DPP10: variants seen among roughly 807,000 people sequenced by gnomAD.
DPP10 encodes the protein dipeptidyl peptidase like 10, also known as inactive dipeptidyl peptidase 10.
Under a neutral mutation model 120.9 loss-of-function variants are expected in DPP10, and 33 were observed. The ratio of observed to expected loss-of-function variants is 0.27; its 90% confidence interval spans 0.21 to 0.37. The LOEUF is 0.37. Among genes scored for constraint, DPP10 ranks in the 10% least tolerant of loss-of-function variants. The probability of loss-of-function intolerance (pLI) is 1.00; values close to 1 mark genes in which losing one functional copy is unlikely to be tolerated. For missense variants in DPP10, 816 were observed against 942.8 expected, an observed-to-expected ratio of 0.87 and a Z score of 1.76; for synonymous variants, 337 against 326.1, an observed-to-expected ratio of 1.03 and a Z score of -0.36.
At chr2:114,493,976 T>C (rs1682234166) in intron 1 of DPP10, among the ~76,000 whole-genome samples, 1 of 152,126 alleles carries the variant, frequency 6.6e-6, no homozygotes. Context: ...TTTTCATTTA[T>C]GTTTCTGTGA....
At chr2:114,707,584 G>A (rs922382038) in intron 1 of DPP10, among the ~76,000 whole-genome samples, 1 of 152,044 alleles carries the variant, frequency 6.6e-6, no homozygotes, top group African/African-American at 2.4e-5. Flanking sequence ...CATCACTTGG[G>A]GCTCAATAGC....
At chr2:115,003,900 A>G (rs1452695342) in intron 1 of DPP10, among the ~76,000 whole-genome samples, 1 of 152,192 alleles carries the variant, frequency 6.6e-6, no homozygotes, top group African/African-American at 2.4e-5. Flanking sequence ...TATTACATAC[A>G]TAGTATTAGT....
chr2:114,806,177 T>C (rs1341004886), intron 1 of DPP10, among the ~76,000 whole-genome samples: 2 of 152,190 alleles, frequency 1.3e-5, no homozygotes, highest in African/African-American at 4.8e-5. Flanking sequence ...GCAATCTAAT[T>C]TGGACTCAGC....
At chr2:114,894,800 A>G (rs1408782959) in intron 1 of DPP10, among the ~76,000 whole-genome samples, 1 of 152,168 alleles carries the variant, frequency 6.6e-6, no homozygotes, top group East Asian at 1.9e-4. Context: ...AAGTATTCTT[A>G]AAAACTTGAA....
intron 1 of DPP10, among the ~76,000 whole-genome samples, chr2:115,279,521 T>C (rs897660057): frequency 4.6e-5 from 7 of 151,996 alleles, no homozygotes; most frequent in African/African-American, 1.7e-4. Flanking sequence ...GTAAGAAAGA[T>C]TTTCTCAATT....
rs2057483078 is a variant in DPP10 at position 115,227,312 on chromosome 2, C to T, written c.61-81927C>T. Among the ~76,000 whole-genome samples, 4 of 152,108 alleles carry T rather than the reference C, an allele frequency of 2.6e-5. No individual in the cohort carries two copies. In the South Asian group the frequency reaches 8.3e-4, roughly 31 times the overall value. ...AATAATTTTTTTCTCATAGTGAGGT[C>T]CATTTTCAGAGTACATTAAATCATG... On this transcript the variant is annotated intron_variant, in intron 1 of 25. Coordinates refer to ENST00000410059, the MANE Select transcript of DPP10 (RefSeq NM_020868.6).
chr2:115,699,463 G>A (rs765996753), intron 7 of DPP10, among the ~76,000 whole-genome samples: 11 of 152,122 alleles, frequency 7.2e-5, no homozygotes, highest in South Asian at 2.1e-4. Context: ...TTAGCTGGAT[G>A]TGTTGGCAGG....
chr2:114,631,530 T>G (rs1016591701), intron 1 of DPP10, among the ~76,000 whole-genome samples: 1 of 152,186 alleles, frequency 6.6e-6, no homozygotes, highest in African/African-American at 2.4e-5. Flanking sequence ...AGAGTACTTT[T>G]GGGGACTAAA....
intron 8 of DPP10, among the ~76,000 whole-genome samples, chr2:115,737,634 GA>G (rs1393384761): frequency 6.6e-6 from 1 of 152,152 alleles, no homozygotes; most frequent in Admixed American, 6.6e-5. Context: ...ACATGGCCTA[GA>G]TCAGTTGCAA....
chr2:115,845,566 C>G lies in DPP10; in HGVS notation c.*3221C>G, dbSNP rs925832564. 1.3e-5 allele frequency: 2 copies of G among 152,198 alleles called. No homozygotes were observed. Among genetic ancestry groups the G allele is most frequent in the Non-Finnish European group, 2.9e-5 (2 of 68,076 alleles). 9.4% of individuals were successfully genotyped at this position (152,198 alleles called of 1,614,324 possible). On this transcript the variant is annotated 3_prime_UTR_variant, in exon 26 of 26. Coordinates refer to ENST00000410059, the MANE Select transcript of DPP10 (RefSeq NM_020868.6). ...GCATACCCTTCTATTTTCCTCTTCC[C>G]CATTTCACTCTTTTAAGCTCCCTAC...
At chr2:115,608,284 G>A (rs925776241) in intron 5 of DPP10, among the ~76,000 whole-genome samples, 1 of 152,108 alleles carries the variant, frequency 6.6e-6, no homozygotes. Context: ...CAGCTATTCA[G>A]GAGGCGGAGG....
intron 5 of DPP10, among the ~76,000 whole-genome samples, chr2:115,641,117 C>G (rs2086741013): frequency 6.6e-6 from 1 of 152,064 alleles, no homozygotes; most frequent in African/African-American, 2.4e-5. Flanking sequence ...TTCTAATATC[C>G]CAAATCCAGC....
At position 115,189,197 on chromosome 2, in the gene DPP10, T is replaced by C. The variant is rs532769470; in HGVS notation, c.61-120042T>C. 3.9e-5 allele frequency among the ~76,000 whole-genome samples: 6 copies of C among 152,326 alleles called. No homozygotes were observed. The East Asian group carries it at 1.2e-3, about 29-fold the overall frequency. Reference sequence around the variant, plus strand: ...AACAAGGGAGGGGAAGGCGTTCTTATTCTACTGCTGTGTCATTCCCCTGTT... The same window carrying C: ...AACAAGGGAGGGGAAGGCGTTCTTACTCTACTGCTGTGTCATTCCCCTGTT... On this transcript the variant is annotated intron_variant, in intron 1 of 25. Coordinates refer to ENST00000410059, the MANE Select transcript of DPP10 (RefSeq NM_020868.6).
chr2:115,836,643 T>A (rs779946423), intron 23 of DPP10, 31 bp from the exon 24 acceptor site: 1 of 1,610,222 alleles, frequency 6.2e-7, no homozygotes, highest in Non-Finnish European at 8.5e-7. Flanking sequence ...TTTAGATCTA[T>A]AGATACAGAT....
chr2:115,059,504 T>C (rs1212990163), intron 1 of DPP10, among the ~76,000 whole-genome samples: 1 of 152,064 alleles, frequency 6.6e-6, no homozygotes, highest in Non-Finnish European at 1.5e-5. Context: ...AGACACATGG[T>C]ATGCTGTTCT....
intron 1 of DPP10, among the ~76,000 whole-genome samples, chr2:115,277,063 A>G (rs2059948579): frequency 6.6e-6 from 1 of 152,250 alleles, no homozygotes; most frequent in African/African-American, 2.4e-5. Flanking sequence ...AAAAGTCTGA[A>G]TCTTATAAAT....
At chr2:115,165,166 A>T (rs952052183) in intron 1 of DPP10, among the ~76,000 whole-genome samples, 4 of 152,352 alleles carry the variant, frequency 2.6e-5, no homozygotes, top group Admixed American at 6.5e-5. Flanking sequence ...TGCCACAGGC[A>T]GAGTACTATT....
intron 1 of DPP10, among the ~76,000 whole-genome samples, chr2:115,054,403 T>C (rs906062906): frequency 2.0e-5 from 3 of 152,174 alleles, no homozygotes; most frequent in African/African-American, 7.2e-5. Flanking sequence ...TCTTTCATTA[T>C]TTCCATACAT....
At chr2:114,586,861 C>T (rs1312960238) in intron 1 of DPP10, among the ~76,000 whole-genome samples, 3 of 152,204 alleles carry the variant, frequency 2.0e-5, no homozygotes, top group Admixed American at 6.5e-5. Context: ...TTCTCTCTTG[C>T]CATGTGATCT....
Sources: gnomAD v4.1 joint callset for allele counts (sites outside exome capture counted in the v4.1 genomes callset) on GRCh38, gnomAD v4.1.1 for gene constraint, MANE v1.5 for transcripts, NCBI Gene and HGNC (gene_info 2026-07-23, HGNC 2026-07-21) for gene names.